Variants in MACF1 observed in about 807,000 individuals in gnomAD.
The protein encoded by MACF1 is microtubule actin crosslinking factor 1.
In MACF1, 193 loss-of-function variants were observed where a neutral mutation model predicts 854.8. The ratio of observed to expected loss-of-function variants is 0.23; its 90% CI spans 0.20 to 0.25. The LOEUF is 0.25. Ranked by LOEUF, MACF1 falls within the 10% of genes least tolerant of loss-of-function variation. The pLI, the probability that MACF1 is intolerant of heterozygous loss-of-function variation, is 1.00. For synonymous variants in MACF1, 3,185 were observed against 3,226.7 expected, an observed-to-expected ratio of 0.99 and a Z score of 0.44; for missense variants, 7,722 against 8,929.1, an observed-to-expected ratio of 0.86 and a Z score of 5.45.
chr1:39,481,511 G>A (rs958272166), intron 99 of MACF1, among the ~76,000 whole-genome samples: 7 of 152,192 alleles, frequency 4.6e-5, no homozygotes, highest in Admixed American at 1.3e-4. Context: ...ACACTGGTCC[G>A]AGGCGTGGGT....
chr1:39,257,342 G>A lies in MACF1; in HGVS notation c.436-594G>A, dbSNP rs570165469. The stretch of plus-strand genomic sequence containing the variant: ...TTTTGAGACGGAGTCTCACTCTGTC[G>A]CCCAGGCTGGAGTGCAGTGGCACAA... On this transcript the variant is annotated intron_variant, in intron 5 of 100. Transcript: ENST00000564288. Among the ~76,000 whole-genome samples, 307 of 151,730 alleles carry A rather than the reference G, an allele frequency of 2.0e-3. 2 individuals carry two copies. Among genetic ancestry groups the A allele is most frequent in the African/African-American group, 7.2e-3 (296 of 41,380 alleles).
intron 2 of MACF1, among the ~76,000 whole-genome samples, chr1:39,160,032 A>T (rs1005261248): frequency 3.3e-5 from 5 of 152,158 alleles, no homozygotes; most frequent in African/African-American, 1.2e-4. Flanking sequence ...AGGGATATAC[A>T]GGTCGGGCAT....
chr1:39,441,754 A>G (rs1294435996), intron 74 of MACF1, among the ~76,000 whole-genome samples, 198 bp from the exon 75 acceptor site: 4 of 152,186 alleles, frequency 2.6e-5, no homozygotes, highest in Non-Finnish European at 5.9e-5. Context: ...CATTATCTTG[A>G]TAATGTTGGC....
At chr1:39,429,780 A>G (rs747397932) in intron 64 of MACF1, 47 bp from the exon 65 acceptor site, 3 of 1,588,022 alleles carry the variant, frequency 1.9e-6, no homozygotes, top group South Asian at 2.2e-5. Flanking sequence ...GAGACTCCTC[A>G]TTCCTAGGTC....
intron 23 of MACF1, chr1:39,304,622 G>GGT: frequency 8.8e-6 from 5 of 565,542 alleles, no homozygotes; most frequent in Non-Finnish European, 1.6e-5. Flanking sequence ...GGAGTGCAGT[G>GGT]GCACTATTTC....
chr1:39,269,407 C>T (rs1337748970), intron 6 of MACF1: 3 of 1,289,692 alleles, frequency 2.3e-6, no homozygotes, highest in South Asian at 1.2e-5. Flanking sequence ...CAGACAGCTT[C>T]CTGGATTATA....
chr1:39,145,860 T>C (rs1273991176), intron 2 of MACF1, among the ~76,000 whole-genome samples: 1 of 152,164 alleles, frequency 6.6e-6, no homozygotes, highest in Admixed American at 6.5e-5. Context: ...TTCCCCCAGG[T>C]CCAAACTTGT....
intron 58 of MACF1, among the ~76,000 whole-genome samples, chr1:39,398,420 T>G (rs1642356177): frequency 6.6e-6 from 1 of 152,106 alleles, no homozygotes; most frequent in South Asian, 2.1e-4. Context: ...ATTACAGGAA[T>G]GAGCCACAGT....
At chr1:39,228,420 A>G (rs118163579) in intron 1 of MACF1, among the ~76,000 whole-genome samples, 3 of 152,220 alleles carry the variant, frequency 2.0e-5, no homozygotes, top group Non-Finnish European at 2.9e-5. Context: ...AATAAGTAGT[A>G]TGAGCAAAGA....
intron 49 of MACF1, among the ~76,000 whole-genome samples, chr1:39,364,373 GTTTTTT>G (rs35455035): frequency 6.9e-6 from 1 of 145,214 alleles, no homozygotes; most frequent in Admixed American, 6.8e-5. Flanking sequence ...AATTTTTAAA[GTTTTTT>G]TTTTTTAGAG....
chr1:39,358,577 A>G (rs566773698), intron 45 of MACF1, 120 bp from the exon 46 acceptor site: 19 of 886,796 alleles, frequency 2.1e-5, no homozygotes, highest in African/African-American at 3.4e-5. Flanking sequence ...GGTTCTGGCA[A>G]TACCCTTATC....
At position 39,285,123 on chromosome 1, in the gene MACF1, A is replaced by G; in HGVS notation, c.1172A>G (p.Tyr391Cys). The change falls in exon 12 of 101, where the codon TAT (tyrosine) becomes TGT (cysteine). Residue 391 changes from tyrosine (Y) to cysteine (C), a missense_variant. Tyr to Cys is a radical substitution (Grantham distance 194). Transcript: ENST00000564288. Reference protein sequence around the residue: ...EFGRIKLPQGYHPNDVEEEWG... With the variant: ...EFGRIKLPQGCHPNDVEEEWG... ...GGCCGAATTAAACTGCCTCAAGGTT[A>G]TCACCCTAATGATGTGGAAGAAGAG... is the stretch of plus-strand genomic sequence containing the variant. 6.2e-7 allele frequency: 1 copy of G among 1,614,230 alleles called. No individual in the cohort carries two copies. Among genetic ancestry groups the G allele is most frequent in the Non-Finnish European group, 8.5e-7 (1 of 1,180,048 alleles).
rs746955922 is a variant in MACF1, at chr1:39,406,756, A to AAAAAAAC, written c.15817-15616_15817-15615insAAAACAA. Among the ~76,000 whole-genome samples the AAAAAAAC allele has an allele frequency of 7.7e-4, 89 of 116,048 alleles. 5 individuals carry two copies. The highest frequency in any genetic ancestry group is 0.01 in the Middle Eastern group (2 of 200). 76.1% of individuals were successfully genotyped at this position (116,048 alleles called of 152,430 possible). A position where few individuals can be genotyped will look rare whatever the true frequency, so the allele number is the denominator to read the frequency against. On this transcript the variant is annotated intron_variant, in intron 58 of 100. Transcript: ENST00000564288. The stretch of plus-strand genomic sequence containing the variant: ...TCTCACTCAAAAAAAAAAAAAAAAA[A>AAAAAAAC]AACATTCTTTATAATAGAATAACCA...
At chr1:39,410,302 C>G (rs1330532824) in intron 58 of MACF1, 1 of 1,610,880 alleles carries the variant, frequency 6.2e-7, no homozygotes, top group Non-Finnish European at 8.5e-7. Flanking sequence ...CTGTTTAAGG[C>G]GGAACCCCAG....
At chr1:39,122,508 C>G (rs1379602119) in intron 2 of MACF1, among the ~76,000 whole-genome samples, 1 of 152,160 alleles carries the variant, frequency 6.6e-6, no homozygotes, top group Non-Finnish European at 1.5e-5. Context: ...CTGCCTCAGC[C>G]TCCCAAAGTG....
chr1:39,218,841 G>A (rs1218477296), intron 1 of MACF1, among the ~76,000 whole-genome samples: 1 of 152,070 alleles, frequency 6.6e-6, no homozygotes, highest in Non-Finnish European at 1.5e-5. Context: ...AGTGCAATGG[G>A]GCGATCTCGG....
intron 22 of MACF1, among the ~76,000 whole-genome samples, chr1:39,300,819 T>C (rs1306496204): frequency 1.3e-5 from 2 of 152,264 alleles, no homozygotes; most frequent in African/African-American, 2.4e-5. Context: ...CTGAGGCACA[T>C]GGATCACTTG....
intron 97 of MACF1, among the ~76,000 whole-genome samples, chr1:39,473,176 G>T (rs979560528): frequency 6.6e-6 from 1 of 152,162 alleles, no homozygotes; most frequent in Non-Finnish European, 1.5e-5. Context: ...CCAGCATCCT[G>T]CATGCACCCA....
At chr1:39,329,422 C>T (rs981740972) in intron 36 of MACF1, among the ~76,000 whole-genome samples, 1 of 152,194 alleles carries the variant, frequency 6.6e-6, no homozygotes, top group Non-Finnish European at 1.5e-5. Context: ...TATCCATATT[C>T]ATCCCATATT....
Sources: gnomAD v4.1 joint callset for allele counts (sites outside exome capture counted in the v4.1 genomes callset) on GRCh38, gnomAD v4.1.1 for gene constraint, MANE v1.5 for transcripts, NCBI Gene and HGNC (gene_info 2026-07-23, HGNC 2026-07-21) for gene names.